Variants in UBE2R2 observed in about 807,000 individuals in gnomAD.
UBE2R2 encodes the protein ubiquitin-conjugating enzyme E2 R2.
Under a neutral mutation model 27.8 loss-of-function variants are expected in UBE2R2, and 1 was observed. That is an observed-to-expected ratio of 0.04 (90% CI 0.01 to 0.17). The LOEUF is 0.17. Among genes scored for constraint, UBE2R2 ranks in the 10% least tolerant of loss-of-function variants. UBE2R2 has a pLI of 1.00. For synonymous variants in UBE2R2, 106 were observed against 113.3 expected (o/e 0.94, Z 0.41); for missense variants, 100 against 291.0 (o/e 0.34, Z 4.78).
rs531706169 is a variant in UBE2R2 at position 33,844,610 on chromosome 9, G to A, written c.177+26676G>A. 3.6e-5 allele frequency among the ~76,000 whole-genome samples: 5 copies of A among 138,246 alleles called. No individual in the cohort carries two copies. In the East Asian group the frequency reaches 1.1e-3, roughly 32 times the overall value. 90.7% of individuals were successfully genotyped at this position (138,246 alleles called of 152,430 possible). On this transcript the variant is annotated intron_variant, in intron 1 of 4. Coordinates refer to ENST00000263228, the MANE Select transcript of UBE2R2 (RefSeq NM_017811.4). ...ACTGAATTAGTGTTTATTCAAGTTT[G>A]AAAATATTCTTGGTGGTGTTGTTCC... is the stretch of plus-strand genomic sequence containing the variant.
At chr9:33,868,146 C>CCT (rs1821403895) in intron 1 of UBE2R2, among the ~76,000 whole-genome samples, 1 of 152,094 alleles carries the variant, frequency 6.6e-6, no homozygotes, top group Admixed American at 6.6e-5. Context: ...CTGGCAGGCC[C>CCT]CTCTCCGAAG....
chr9:33,834,920 AAAAACAAAAG>A (rs1488220084), intron 1 of UBE2R2, among the ~76,000 whole-genome samples: 52 of 148,590 alleles, frequency 3.5e-4, no homozygotes, highest in South Asian at 2.3e-3. Flanking sequence ...CAGGAAAAAA[AAAAACAAAAG>A]AAAAGAAAAG....
chr9:33,868,564 T>A (rs539757445), intron 1 of UBE2R2: 5 of 152,450 alleles, frequency 3.3e-5, no homozygotes, highest in African/African-American at 1.2e-4. Flanking sequence ...GGGGTTGCGC[T>A]GCTGTCCAAG....
chr9:33,858,538 C>T (rs1821156672), intron 1 of UBE2R2, among the ~76,000 whole-genome samples: 1 of 152,040 alleles, frequency 6.6e-6, no homozygotes, highest in African/African-American at 2.4e-5. Context: ...TCTCAACCCA[C>T]TAAGTAGCTG....
chr9:33,908,053 G>A (rs890858441), intron 3 of UBE2R2, among the ~76,000 whole-genome samples: 13 of 152,242 alleles, frequency 8.5e-5, no homozygotes, highest in African/African-American at 2.6e-4. Context: ...TTGAACTCCC[G>A]ACCTCAGGTG....
intron 1 of UBE2R2, among the ~76,000 whole-genome samples, chr9:33,831,636 C>T (rs1335762671): frequency 1.3e-5 from 2 of 152,026 alleles, no homozygotes; most frequent in Middle Eastern, 3.4e-3. Context: ...AGGCAGGTCT[C>T]GAACTCTTAT....
chr9:33,837,129 T>C (rs1820630840), intron 1 of UBE2R2, among the ~76,000 whole-genome samples: 1 of 152,186 alleles, frequency 6.6e-6, no homozygotes, highest in South Asian at 2.1e-4. Flanking sequence ...TCCTCTATGT[T>C]TTTCCTCATG....
rs372687895 is a variant in UBE2R2 at position 33,869,212 on chromosome 9, T to G, written c.178-17669T>G. ...TGAGCCCGGGAGGTCGAGGCTGCAG[T>G]GAGCCCAGATTGTGCCACTGTACTC... On this transcript the variant is annotated intron_variant, in intron 1 of 4. Transcript: ENST00000263228. Among the ~76,000 whole-genome samples the G allele has an allele frequency of 1.2e-4, 18 of 152,272 alleles. No homozygotes were observed. The East Asian group carries it at 1.9e-3, about 16-fold the overall frequency.
chr9:33,879,903 G>C (rs969240182), intron 1 of UBE2R2, among the ~76,000 whole-genome samples: 1 of 149,644 alleles, frequency 6.7e-6, no homozygotes, highest in African/African-American at 2.5e-5. Context: ...GTTTTTTTGA[G>C]ACAAGGTCTC....
At chr9:33,857,195 C>A (rs1332331134) in intron 1 of UBE2R2, among the ~76,000 whole-genome samples, 1 of 150,652 alleles carries the variant, frequency 6.6e-6, no homozygotes, top group African/African-American at 2.4e-5. Context: ...CCTGCCTGGC[C>A]CCTTATGAGT....
At chr9:33,855,636 A>G (rs1378358673) in intron 1 of UBE2R2, among the ~76,000 whole-genome samples, 1 of 152,222 alleles carries the variant, frequency 6.6e-6, no homozygotes, top group Non-Finnish European at 1.5e-5. Flanking sequence ...ATGTAACAAC[A>G]CTGGACACAG....
At chr9:33,891,751 T>C (rs1356475297) in intron 2 of UBE2R2, among the ~76,000 whole-genome samples, 1 of 152,144 alleles carries the variant, frequency 6.6e-6, no homozygotes, top group Non-Finnish European at 1.5e-5. Flanking sequence ...TGTAAATAAC[T>C]GTTGTGTTAC....
At chr9:33,869,783 T>C (rs10971750) in intron 1 of UBE2R2, among the ~76,000 whole-genome samples, 12,001 of 152,214 alleles carry the variant, frequency 0.079, 682 homozygotes, top group Non-Finnish European at 0.12. Flanking sequence ...TTTTTGCTTA[T>C]GCATTTTAGG....
chr9:33,842,698 A>G (rs190620122), intron 1 of UBE2R2, among the ~76,000 whole-genome samples: 6 of 152,234 alleles, frequency 3.9e-5, no homozygotes, highest in African/African-American at 1.4e-4. Flanking sequence ...GAATTCTGTT[A>G]GATTCTTCTC....
chr9:33,816,631 C>T (rs1587416418), upstream of UBE2R2, among the ~76,000 whole-genome samples: 1 of 152,192 alleles, frequency 6.6e-6, no homozygotes, highest in East Asian at 1.9e-4. Context: ...GTGGGCTGGC[C>T]TGCGGGAAGG....
rs1025951468 is a variant in UBE2R2, at chr9:33,827,949, C to T, written c.177+10015C>T. Among the ~76,000 whole-genome samples, 6 of 149,926 alleles carry T rather than the reference C, an allele frequency of 4.0e-5. No individual in the cohort carries two copies. The East Asian group carries it at 5.9e-4, about 15-fold the overall frequency. On this transcript the variant is annotated intron_variant, in intron 1 of 4. Coordinates refer to ENST00000263228, the MANE Select transcript of UBE2R2 (RefSeq NM_017811.4). ...TTATGCCACTGCAATCCAGCCTGGG[C>T]GACATAGCAAGACTCCCTCTCAAAA...
intron 1 of UBE2R2, among the ~76,000 whole-genome samples, chr9:33,854,611 T>A (rs922623024): frequency 6.6e-6 from 1 of 152,108 alleles, no homozygotes; most frequent in African/African-American, 2.4e-5. Context: ...TGTGAGCCAC[T>A]GTGCCCAGCC....
At chr9:33,864,654 A>G (rs935298705) in intron 1 of UBE2R2, among the ~76,000 whole-genome samples, 4 of 151,094 alleles carry the variant, frequency 2.6e-5, no homozygotes, top group Admixed American at 2.0e-4. Context: ...GGCTCAAACT[A>G]TTCTCCCGCT....
At chr9:33,882,935 A>G (rs1297009364) in intron 1 of UBE2R2, among the ~76,000 whole-genome samples, 2 of 152,080 alleles carry the variant, frequency 1.3e-5, no homozygotes, top group African/African-American at 4.8e-5. Context: ...CTAAAAATAC[A>G]AAAATTAGCC....
Sources: allele counts gnomAD v4.1 joint callset (sites outside exome capture counted in the v4.1 genomes callset), GRCh38; gene constraint gnomAD v4.1.1; transcripts MANE v1.5; gene names NCBI Gene and HGNC (gene_info 2026-07-23, HGNC 2026-07-21).